ELFN1: variants seen among roughly 807,000 people sequenced by gnomAD.
The protein encoded by ELFN1 is protein ELFN1.
A neutral mutation model predicts 7.6 loss-of-function variants in ELFN1; 6 were observed. The observed-to-expected ratio is 0.79, with a 90% confidence interval of 0.43 to 1.56. The LOEUF (loss-of-function observed/expected upper bound fraction) is 1.56. ELFN1 is among the 40% of genes most tolerant of loss of function. The pLI is 0.01. For missense variants in ELFN1, 1,169 were observed against 1,232.2 expected, an observed-to-expected ratio of 0.95 and a Z score of 0.77; for synonymous variants, 657 against 588.1, an observed-to-expected ratio of 1.12 and a Z score of -1.70.
chr7:1,720,497 C>T (rs1325568874), intron 3 of ELFN1, among the ~76,000 whole-genome samples: 1 of 152,242 alleles, frequency 6.6e-6, no homozygotes, highest in Non-Finnish European at 1.5e-5. Flanking sequence ...AGGGAACCAG[C>T]GTGCAGGTTT....
intron 3 of ELFN1, among the ~76,000 whole-genome samples, chr7:1,733,842 C>T (rs1297399782): frequency 6.6e-6 from 1 of 152,124 alleles, no homozygotes; most frequent in East Asian, 1.9e-4. Flanking sequence ...CACGCCTGTG[C>T]ACCTGCGCCT....
chr7:1,689,429 C>T (rs993878936), intron 2 of ELFN1, among the ~76,000 whole-genome samples: 5 of 152,166 alleles, frequency 3.3e-5, no homozygotes, highest in Admixed American at 6.5e-5. Context: ...AACACAGATT[C>T]CCGGCTCAGT....
chr7:1,711,161 C>T (rs4720940), intron 3 of ELFN1, among the ~76,000 whole-genome samples: 34,345 of 152,254 alleles, frequency 0.23, 4,030 homozygotes, highest in Admixed American at 0.26. Context: ...ATACCACATT[C>T]GTATTTCAGG....
intron 3 of ELFN1, among the ~76,000 whole-genome samples, chr7:1,717,101 C>G (rs913571119): frequency 6.6e-6 from 1 of 152,188 alleles, no homozygotes; most frequent in Non-Finnish European, 1.5e-5. Flanking sequence ...CTTCTTGATG[C>G]AGCCTCTCCG....
Position 1,746,571 on chromosome 7 carries a change from G to A in ELFN1, c.1975G>A (p.Val659Met). 1 of 1,355,870 alleles carries A rather than the reference G, an allele frequency of 7.4e-7. No individual in the cohort carries two copies. Among genetic ancestry groups the A allele is most frequent in the Non-Finnish European group, 9.4e-7 (1 of 1,059,678 alleles). 84.0% of individuals were successfully genotyped at this position (1,355,870 alleles called of 1,614,324 possible). Residue 659 changes from valine (V) to methionine (M), a missense_variant, in exon 4 of 4, where the codon GTG becomes ATG. This residue lies in a region of ELFN1 where 914 missense variants were observed against 872.6 expected (regional missense o/e 1.05). Coordinates refer to ENST00000424383, the MANE Select transcript of ELFN1 (RefSeq NM_001128636.4). ...CGCCTTCCGAGCCGAGGCCGTCGGG[G>A]TGCACAAGGCCGCGGCCGCCGAGGC... ...PRAFRAEAVGVHKAAAAEAKY... is the reference protein window; with the variant it reads ...PRAFRAEAVGMHKAAAAEAKY...
At chr7:1,697,385 AGGGAGGAGCCGGTGCT>A (rs1779340374) in intron 2 of ELFN1, among the ~76,000 whole-genome samples, 1 of 152,160 alleles carries the variant, frequency 6.6e-6, no homozygotes, top group African/African-American at 2.4e-5. Context: ...GGGCCTGTGC[AGGGAGGAGCCGGTGCT>A]GGGAGCACCC....
chr7:1,721,351 G>A (rs1780016341), intron 3 of ELFN1, among the ~76,000 whole-genome samples: 1 of 152,244 alleles, frequency 6.6e-6, no homozygotes, highest in Non-Finnish European at 1.5e-5. Flanking sequence ...GGGCCTAAGT[G>A]TGTGAGTGCA....
At chr7:1,693,884 T>G (rs1223887665) in intron 2 of ELFN1, 1 of 421,942 alleles carries the variant, frequency 2.4e-6, no homozygotes, top group Non-Finnish European at 5.0e-6. Context: ...TGCTTCCTCC[T>G]CCCCAGTCCA....
chr7:1,675,635 G>A (rs1392309146), intron 1 of ELFN1, among the ~76,000 whole-genome samples: 2 of 152,368 alleles, frequency 1.3e-5, no homozygotes, highest in East Asian at 3.9e-4. Flanking sequence ...GAGGAGCGGG[G>A]TCTGGAAATG....
At chr7:1,737,111 C>T (rs1190709745) in intron 3 of ELFN1, among the ~76,000 whole-genome samples, 1 of 152,098 alleles carries the variant, frequency 6.6e-6, no homozygotes, top group African/African-American at 2.4e-5. Context: ...GAACACACCC[C>T]CTCTCCCTGG....
intron 1 of ELFN1, among the ~76,000 whole-genome samples, chr7:1,683,349 T>C (rs1779008764): frequency 6.6e-6 from 1 of 152,234 alleles, no homozygotes; most frequent in African/African-American, 2.4e-5. Context: ...TTGTTTTTGT[T>C]TTACTGGTTA....
At position 1,695,203 on chromosome 7, in the gene ELFN1, G is replaced by A. The variant is rs1452901867; in HGVS notation, c.-456+7053G>A. Among the ~76,000 whole-genome samples, 1 of 152,206 alleles carries A rather than the reference G, an allele frequency of 6.6e-6. No homozygotes were observed. The highest frequency in any genetic ancestry group is 1.5e-5 in the Non-Finnish European group (1 of 68,034). ...TGTGAGGGTTCTGTCCATCCACCAG[G>A]AAGGCCACCAGGACCCTGCTCCTGC... On this transcript the variant is annotated intron_variant, in intron 2 of 3. Transcript: ENST00000424383. This position sits in a 1 kb window ranked among gnomAD's most constrained non-coding sequence, Gnocchi z 5.1.
chr7:1,713,960 C>CGCCG (rs1779748234), intron 3 of ELFN1, among the ~76,000 whole-genome samples: 1 of 152,154 alleles, frequency 6.6e-6, no homozygotes, highest in African/African-American at 2.4e-5. Flanking sequence ...CATGTTGAGC[C>CGCCG]GCCGTCCAGA....
At chr7:1,700,363 G>T (rs1368410712) in intron 2 of ELFN1, among the ~76,000 whole-genome samples, 1 of 152,222 alleles carries the variant, frequency 6.6e-6, no homozygotes, top group Non-Finnish European at 1.5e-5. Flanking sequence ...CAGTCCCAGA[G>T]CTCTGTCATT....
upstream of ELFN1, among the ~76,000 whole-genome samples, chr7:1,667,256 G>A (rs1443852209): frequency 2.0e-5 from 3 of 151,874 alleles, no homozygotes; most frequent in African/African-American, 7.3e-5. The surrounding 1 kb of genome is among the most constrained non-coding windows in gnomAD (Gnocchi z 8.2). Context: ...GCGAGTCCCC[G>A]GGGCCAGGCT....
At chr7:1,725,401 G>A (rs1006558753) in intron 3 of ELFN1, among the ~76,000 whole-genome samples, 8 of 151,856 alleles carry the variant, frequency 5.3e-5, no homozygotes, top group Non-Finnish European at 8.8e-5. Flanking sequence ...TGACAGGTGC[G>A]TGTGTCTGCC....
At chr7:1,687,737 C>A (rs1313312086) in intron 1 of ELFN1, among the ~76,000 whole-genome samples, 3 of 152,074 alleles carry the variant, frequency 2.0e-5, no homozygotes, top group Non-Finnish European at 4.4e-5. Flanking sequence ...AATGTTAAAT[C>A]TAAAACAATC....
At chr7:1,724,498 C>T (rs1357329271) in intron 3 of ELFN1, among the ~76,000 whole-genome samples, 1 of 152,144 alleles carries the variant, frequency 6.6e-6, no homozygotes, top group Non-Finnish European at 1.5e-5. Context: ...TCAATCAGTC[C>T]AGCAGGAGGG....
intron 2 of ELFN1, among the ~76,000 whole-genome samples, chr7:1,707,440 C>T (rs987842048): frequency 7.9e-5 from 12 of 152,350 alleles, no homozygotes; most frequent in South Asian, 2.1e-4. Flanking sequence ...TGGGCAAACG[C>T]CCTGCATCGC....
Sources: allele counts gnomAD v4.1 joint callset (sites outside exome capture counted in the v4.1 genomes callset), GRCh38; gene constraint gnomAD v4.1.1; regional missense constraint gnomAD v4.1.1; non-coding constraint Gnocchi (gnomAD v3.1); transcripts MANE v1.5; gene names NCBI Gene and HGNC (gene_info 2026-07-23, HGNC 2026-07-21).